The following ENO4 variants were observed in gnomAD, a reference collection of about 807,000 sequenced individuals.
ENO4 encodes the protein 2-phospho-D-glycerate hydro-lyase.
Under a neutral mutation model 63.2 loss-of-function variants are expected in ENO4, and 53 were observed. The ratio of observed to expected loss-of-function variants is 0.84; its 90% CI spans 0.67 to 1.05. The LOEUF is 1.05. Ranked by LOEUF, ENO4 falls within the 50% of genes least tolerant of loss-of-function variation. The pLI is 0.00. For synonymous variants in ENO4, 266 were observed against 283.8 expected, an observed-to-expected ratio of 0.94 and a Z score of 0.63; for missense variants, 719 against 772.0, an observed-to-expected ratio of 0.93 and a Z score of 0.81.
intron 11 of ENO4, among the ~76,000 whole-genome samples, chr10:116,878,503 C>G (rs556043129): frequency 3.3e-5 from 5 of 152,298 alleles, no homozygotes; most frequent in African/African-American, 1.2e-4. Context: ...TTCAGAATGA[C>G]AGTCCTTTGA....
chr10:116,899,599 G>C (rs558066619), intron 10 of ENO4, among the ~76,000 whole-genome samples: 14 of 151,372 alleles, frequency 9.2e-5, no homozygotes, highest in Non-Finnish European at 1.6e-4. Context: ...ATTTAGAGCC[G>C]ACTGTCATTG....
chr10:116,901,790 A>C, intron 10 of ENO4: 2 of 1,603,168 alleles, frequency 1.2e-6, no homozygotes, highest in Non-Finnish European at 8.5e-7. Context: ...GAACTTGTGC[A>C]TCCTTCCAAT....
intron 10 of ENO4, among the ~76,000 whole-genome samples, chr10:116,902,510 GAA>G (rs372851799): frequency 5.3e-5 from 8 of 152,276 alleles, no homozygotes; most frequent in African/African-American, 1.9e-4. Flanking sequence ...AATTAAGTGG[GAA>G]AGAGTTTGGC....
downstream of ENO4, chr10:116,886,700 A>G: frequency 8.3e-7 from 1 of 1,198,842 alleles, no homozygotes; most frequent in Non-Finnish European, 1.2e-6. Flanking sequence ...GTAGTCTTTG[A>G]GATGCCAGCC....
intron 10 of ENO4, among the ~76,000 whole-genome samples, chr10:116,895,862 G>C (rs979305011): frequency 6.6e-6 from 1 of 152,040 alleles, no homozygotes; most frequent in Non-Finnish European, 1.5e-5. Flanking sequence ...CTGTAAAATT[G>C]GGATAATGTC....
At chr10:116,875,836 C>T (rs1408847721) in intron 10 of ENO4, among the ~76,000 whole-genome samples, 1 of 152,148 alleles carries the variant, frequency 6.6e-6, no homozygotes, top group African/African-American at 2.4e-5. Flanking sequence ...AGTGTAGTAA[C>T]ATTTTATTCA....
At chr10:116,862,414 C>T (rs918341548) in intron 6 of ENO4, among the ~76,000 whole-genome samples, 2 of 151,842 alleles carry the variant, frequency 1.3e-5, no homozygotes, top group African/African-American at 4.8e-5. Context: ...AGGCCGAGAT[C>T]ATTGCCACTG....
chr10:116,868,846 C>A, intron 8 of ENO4, 140 bp downstream of exon 8: 1 of 755,556 alleles, frequency 1.3e-6, no homozygotes, highest in Non-Finnish European at 2.3e-6. Flanking sequence ...TTGCTCCAGA[C>A]ACCCCCAGAG....
chr10:116,880,868 C>G (rs779759122), intron 13 of ENO4, among the ~76,000 whole-genome samples: 16 of 152,098 alleles, frequency 1.1e-4, no homozygotes, highest in Non-Finnish European at 2.2e-4. Flanking sequence ...CAGACGTTAC[C>G]ACGAGGGAAA....
chr10:116,901,849 A>C (rs1847750583), intron 10 of ENO4: 2 of 1,605,608 alleles, frequency 1.2e-6, no homozygotes, highest in African/African-American at 2.7e-5. Context: ...CGGGCTGTTG[A>C]ATTCTGCCTC....
chr10:116,909,223 C>T (rs909253050), intron 10 of ENO4, among the ~76,000 whole-genome samples: 9 of 152,248 alleles, frequency 5.9e-5, no homozygotes, highest in African/African-American at 2.2e-4. Context: ...CAAACCAATA[C>T]TCTTTTTCTA....
downstream of ENO4, among the ~76,000 whole-genome samples, chr10:116,912,145 A>G (rs985129038): frequency 6.6e-6 from 1 of 152,234 alleles, no homozygotes. Flanking sequence ...TTTGGTAGAC[A>G]TCGGATTTCA....
rs779336840 is a variant in ENO4, at chr10:116,904,437, CTT to C, written c.1195-7051_1195-7050del. ...AAGAGTTTGTAAGTTTGTTTCCTTC[CTT>C]TTTTTTTTTTCTTTTGCTTTGGCTA... On this transcript the variant is annotated intron_variant, in intron 10 of 10. Transcript: ENST00000369207. 1.0e-4 allele frequency among the ~76,000 whole-genome samples: 15 copies of C among 144,826 alleles called. No homozygotes were observed. The East Asian group carries it at 3.0e-3, about 29-fold the overall frequency.
intron 10 of ENO4, among the ~76,000 whole-genome samples, chr10:116,903,603 G>A (rs1423755170): frequency 6.6e-6 from 1 of 152,116 alleles, no homozygotes; most frequent in African/African-American, 2.4e-5. Context: ...TACGACAGAA[G>A]GGCAGAACAG....
rs1487546711 is a variant in ENO4, at chr10:116,855,734, A to G, written c.277A>G (p.Ile93Val). The G allele has an allele frequency of 2.0e-6, 3 of 1,534,946 alleles. No homozygotes were observed. The highest frequency in any genetic ancestry group is 2.7e-5 in the African/African-American group (2 of 73,006). ...PTLQVDIFCTIQNFPKNVCSV... is the reference protein window; with the variant it reads ...PTLQVDIFCTVQNFPKNVCSV... ...CCTGCAAGTGGACATATTCTGCACCATTCAAAACTTTCCCAAGGTATGAGG... is the reference window on the plus strand; with the variant it reads ...CCTGCAAGTGGACATATTCTGCACCGTTCAAAACTTTCCCAAGGTATGAGG... Residue 93 changes from isoleucine to valine, a missense_variant, in exon 2 of 14, where the codon ATT becomes GTT. Transcript: ENST00000341276.
intron 10 of ENO4, chr10:116,901,958 C>G (rs1427448533): frequency 6.3e-7 from 1 of 1,590,046 alleles, no homozygotes; most frequent in Non-Finnish European, 8.5e-7. Context: ...CCAGTTGGAC[C>G]TTAAAACCAA....
chr10:116,879,364 T>C lies in ENO4; in HGVS notation c.1605+6T>C. On this transcript the variant is annotated splice_donor_region_variant and intron_variant, in intron 12 of 13. Coordinates refer to ENST00000341276, the MANE Select transcript of ENO4 (RefSeq NM_001242699.2). Reference sequence around the variant, plus strand: ...ATGACAGCCTTGTCGATTTGGTAAGTGCTGAATGCTGGTCAACTGCCAAAC... The same window carrying C: ...ATGACAGCCTTGTCGATTTGGTAAGCGCTGAATGCTGGTCAACTGCCAAAC... 6.5e-7 allele frequency: 1 copy of C among 1,545,534 alleles called. No homozygotes were observed. The highest frequency in any genetic ancestry group is 1.2e-5 in the South Asian group (1 of 83,260).
chr10:116,880,541 C>T (rs2133284621), intron 13 of ENO4, among the ~76,000 whole-genome samples: 1 of 152,220 alleles, frequency 6.6e-6, no homozygotes, highest in East Asian at 1.9e-4. Context: ...TCTTATATTA[C>T]TGATTGTGAT....
chr10:116,888,489 C>T (rs1001690973), intron 10 of ENO4, among the ~76,000 whole-genome samples: 2 of 152,156 alleles, frequency 1.3e-5, no homozygotes, highest in African/African-American at 4.8e-5. Context: ...GCTGTTCTGA[C>T]AGTTGGGAGG....
Sources: gnomAD v4.1 joint callset for allele counts (sites outside exome capture counted in the v4.1 genomes callset) on GRCh38, gnomAD v4.1.1 for gene constraint, MANE v1.5 for transcripts, NCBI Gene and HGNC (gene_info 2026-07-23, HGNC 2026-07-21) for gene names.